The following DIXDC1 variants were observed in gnomAD, a reference collection of about 807,000 sequenced individuals.
DIXDC1 encodes DIX domain containing 1.
In DIXDC1, 64 loss-of-function variants were observed where a neutral mutation model predicts 103.1. The observed-to-expected ratio is 0.62, with a 90% CI of 0.51 to 0.76. The LOEUF is 0.76. Ranked by LOEUF, DIXDC1 falls within the 30% of genes least tolerant of loss-of-function variation. The pLI is 0.00. For missense variants in DIXDC1, 759 were observed against 834.2 expected (o/e 0.91, Z 1.11); for synonymous variants, 266 against 298.5 (o/e 0.89, Z 1.12).
At chr11:111,972,185 G>C (rs1245435710) in intron 3 of DIXDC1, among the ~76,000 whole-genome samples, 1 of 152,054 alleles carries the variant, frequency 6.6e-6, no homozygotes. Context: ...ATATTTAAAG[G>C]CTACAAAGCT....
chr11:111,937,007 ATGTGTGTATG>A (rs1307873606), upstream of DIXDC1, among the ~76,000 whole-genome samples: 1 of 146,932 alleles, frequency 6.8e-6, no homozygotes, highest in Non-Finnish European at 1.5e-5. Context: ...GTATGTGTGT[ATGTGTGTATG>A]TGTGTGTGTG....
At chr11:111,955,261 A>G (rs935228606) in intron 1 of DIXDC1, among the ~76,000 whole-genome samples, 3 of 148,442 alleles carry the variant, frequency 2.0e-5, no homozygotes, top group African/African-American at 7.5e-5. Context: ...GCTTGAGCCC[A>G]GGAGGTTGAG....
At chr11:112,004,124 A>G (rs782117794) in intron 17 of DIXDC1, among the ~76,000 whole-genome samples, 7 of 149,912 alleles carry the variant, frequency 4.7e-5, no homozygotes, top group South Asian at 2.1e-4. Context: ...GTATATATAT[A>G]TGTGTGTGTA....
At chr11:112,010,808 G>A (rs1861392101) in intron 17 of DIXDC1, among the ~76,000 whole-genome samples, 1 of 151,980 alleles carries the variant, frequency 6.6e-6, no homozygotes, top group Admixed American at 6.6e-5. Context: ...AATTCAAGAT[G>A]GATTAAAGAC....
At chr11:112,013,479 C>T (rs1861494197) in intron 17 of DIXDC1, among the ~76,000 whole-genome samples, 1 of 152,076 alleles carries the variant, frequency 6.6e-6, no homozygotes, top group Non-Finnish European at 1.5e-5. Flanking sequence ...ATCTCTAATA[C>T]TTGATACATA....
At chr11:112,013,463 T>C (rs1339050115) in intron 17 of DIXDC1, among the ~76,000 whole-genome samples, 1 of 152,108 alleles carries the variant, frequency 6.6e-6, no homozygotes, top group African/African-American at 2.4e-5. Context: ...TCTAATTTAT[T>C]TGTGTATCTC....
chr11:112,013,979 G>A (rs971687842), intron 17 of DIXDC1, among the ~76,000 whole-genome samples: 7 of 152,118 alleles, frequency 4.6e-5, no homozygotes, highest in South Asian at 4.1e-4. Flanking sequence ...GTGGAGGGAG[G>A]TGCCAGGCTC....
chr11:111,954,567 C>T lies in DIXDC1; in HGVS notation c.61-9982C>T, dbSNP rs117565086. 3.4e-4 allele frequency among the ~76,000 whole-genome samples: 51 copies of T among 152,178 alleles called. No individual in the cohort carries two copies. The South Asian group carries it at 9.8e-3, about 29-fold the overall frequency. On this transcript the variant is annotated intron_variant, in intron 1 of 19. Coordinates refer to ENST00000440460, the MANE Select transcript of DIXDC1 (RefSeq NM_001037954.4). ...GCTTAGGTTATATGCAAATACTATG[C>T]CATTTTATATCAGACAGTTGAGCAT...
At position 112,019,541 on chromosome 11, in the gene DIXDC1, C is replaced by G. The variant is rs1555178187; in HGVS notation, c.*505C>G. 1.3e-5 allele frequency: 2 copies of G among 152,934 alleles called. No homozygotes were observed. The highest frequency in any genetic ancestry group is 1.3e-4 in the Admixed American group (2 of 15,332). 9.5% of individuals were successfully genotyped at this position (152,934 alleles called of 1,614,324 possible). On this transcript the variant is annotated 3_prime_UTR_variant, in exon 20 of 20. Coordinates refer to ENST00000440460, the MANE Select transcript of DIXDC1 (RefSeq NM_001037954.4). ...ACCAAGAATAACTCATGAGGTGGTA[C>G]CAAAGATGAAAGCCCAGACTTCAGT...
intron 10 of DIXDC1, 120 bp downstream of exon 10, chr11:111,989,175 G>T (rs1158448530): frequency 2.7e-6 from 2 of 753,148 alleles, no homozygotes; most frequent in South Asian, 4.1e-5. Context: ...TATTGGTAAA[G>T]AAAGGGCTTT....
chr11:112,013,380 A>T, intron 17 of DIXDC1, among the ~76,000 whole-genome samples: 1 of 147,472 alleles, frequency 6.8e-6, no homozygotes, highest in Non-Finnish European at 1.5e-5. Flanking sequence ...TTTCATATTT[A>T]TTTTATTGTA....
intron 17 of DIXDC1, among the ~76,000 whole-genome samples, chr11:112,006,149 G>A (rs1449194029): frequency 6.6e-6 from 1 of 152,036 alleles, no homozygotes; most frequent in Non-Finnish European, 1.5e-5. Context: ...TGCCTGGCTC[G>A]GTGGTTCCCA....
chr11:111,955,550 C>A (rs1169520937), intron 1 of DIXDC1, among the ~76,000 whole-genome samples: 2 of 151,668 alleles, frequency 1.3e-5, no homozygotes, highest in Non-Finnish European at 2.9e-5. Context: ...AAATCAAGAT[C>A]TTGGCCCGGT....
intron 17 of DIXDC1, among the ~76,000 whole-genome samples, chr11:112,009,995 A>G (rs1861364874): frequency 6.6e-6 from 1 of 152,192 alleles, no homozygotes; most frequent in Admixed American, 6.5e-5. Context: ...AAGGGTATTC[A>G]ATTTGGAAAA....
Position 112,022,164 on chromosome 11 carries a change from C to G in DIXDC1, c.*3128C>G, listed in dbSNP as rs587598303. The G allele has an allele frequency of 2.6e-5, 4 of 152,112 alleles. No individual in the cohort carries two copies. Among genetic ancestry groups the G allele is most frequent in the African/African-American group, 9.6e-5 (4 of 41,486 alleles). 9.4% of individuals were successfully genotyped at this position (152,112 alleles called of 1,614,324 possible). A position where few individuals can be genotyped will look rare whatever the true frequency, so the allele number is the denominator to read the frequency against. ...GACCAACTTTTCAGCTCTTTTTGAC[C>G]AGGATGGTTGCAAATTAGGGAAAAT... On this transcript the variant is annotated 3_prime_UTR_variant, in exon 20 of 20. Coordinates refer to ENST00000440460, the MANE Select transcript of DIXDC1 (RefSeq NM_001037954.4). The surrounding 1 kb of genome is among the most constrained non-coding windows in gnomAD (Gnocchi z 4.9).
chr11:111,994,926 C>A, intron 14 of DIXDC1, 93 bp from the exon 15 acceptor site: 3 of 1,117,288 alleles, frequency 2.7e-6, no homozygotes, highest in South Asian at 1.4e-5. Flanking sequence ...TATACTTCAT[C>A]AGGAAGTGAT....
intron 9 of DIXDC1, among the ~76,000 whole-genome samples, chr11:111,988,141 G>A (rs1442828183): frequency 4.6e-5 from 7 of 152,050 alleles, no homozygotes; most frequent in African/African-American, 1.7e-4. Context: ...TGGGGCTTCA[G>A]GAACACACCA....
At chr11:111,934,916 A>G (rs1213367723), upstream of DIXDC1, among the ~76,000 whole-genome samples, 1 of 152,238 alleles carries the variant, frequency 6.6e-6, no homozygotes, top group Non-Finnish European at 1.5e-5. Flanking sequence ...ATTAGATGCC[A>G]TTAAAATTTT....
At chr11:111,947,927 A>G (rs58953303) in intron 1 of DIXDC1, among the ~76,000 whole-genome samples, 1,548 of 152,330 alleles carry the variant, frequency 0.01, 47 homozygotes, top group African/African-American at 0.036. Context: ...CCAAGGCAGG[A>G]GGATGGCTTG....
Sources: allele counts gnomAD v4.1 joint callset (sites outside exome capture counted in the v4.1 genomes callset), GRCh38; gene constraint gnomAD v4.1.1; non-coding constraint Gnocchi (gnomAD v3.1); transcripts MANE v1.5; gene names NCBI Gene and HGNC (gene_info 2026-07-23, HGNC 2026-07-21).